STPG2: variants seen among roughly 807,000 people sequenced by gnomAD.
The protein encoded by STPG2 is sperm-tail PG-rich repeat-containing protein 2.
STPG2 carries 56 observed loss-of-function variants against 54.2 expected under a neutral mutation model. The observed-to-expected ratio is 1.03, with a 90% confidence interval of 0.83 to 1.29. The LOEUF (loss-of-function observed/expected upper bound fraction) is 1.29, where lower values mean the gene tolerates loss of function less well. STPG2 is among the 50% of genes most tolerant of loss of function. The pLI is 0.00. For synonymous variants in STPG2, 200 were observed against 181.8 expected (o/e 1.10, Z -0.81); for missense variants, 596 against 544.9 (o/e 1.09, Z -0.93).
chr4:97,891,170 T>C (rs1343257669), intron 8 of STPG2, among the ~76,000 whole-genome samples: 2 of 152,090 alleles, frequency 1.3e-5, no homozygotes, highest in Non-Finnish European at 2.9e-5. Flanking sequence ...TTTGCTAGAG[T>C]AACTTTTAAT....
chr4:97,944,872 CATG>C (rs756951224), intron 7 of STPG2, among the ~76,000 whole-genome samples: 4 of 152,114 alleles, frequency 2.6e-5, no homozygotes, highest in Non-Finnish European at 4.4e-5. Flanking sequence ...CTTTTTTCCA[CATG>C]ATATTATTCC....
intron 4 of STPG2, among the ~76,000 whole-genome samples, chr4:97,547,354 AAG>A (rs1391731137): frequency 6.6e-6 from 1 of 151,952 alleles, no homozygotes; most frequent in East Asian, 1.9e-4. Context: ...GAGACTACAG[AAG>A]CCCGCCACCA....
intron 9 of STPG2, among the ~76,000 whole-genome samples, chr4:97,762,490 G>A (rs1725917930): frequency 6.6e-6 from 1 of 152,060 alleles, no homozygotes; most frequent in South Asian, 2.1e-4. Context: ...TCCTCCCTAT[G>A]AAAAGAATCC....
chr4:97,684,958 G>A (rs113354501), intron 10 of STPG2, among the ~76,000 whole-genome samples: 1 of 152,054 alleles, frequency 6.6e-6, no homozygotes, highest in African/African-American at 2.4e-5. Flanking sequence ...TGGCAAGTAA[G>A]CATATAAAAA....
intron 8 of STPG2, among the ~76,000 whole-genome samples, chr4:97,931,612 A>G (rs1017287640): frequency 1.3e-5 from 2 of 152,158 alleles, no homozygotes; most frequent in Non-Finnish European, 2.9e-5. Context: ...TTTTGCATCA[A>G]TATTCAATAA....
At chr4:98,120,348 GGATT>G (rs1242573275) in intron 3 of STPG2, among the ~76,000 whole-genome samples, 1 of 152,016 alleles carries the variant, frequency 6.6e-6, no homozygotes, top group African/African-American at 2.4e-5. Flanking sequence ...CAAAGTGCAG[GGATT>G]ACAGGCATGA....
chr4:97,989,481 T>C (rs1734943984), intron 5 of STPG2, among the ~76,000 whole-genome samples: 1 of 152,088 alleles, frequency 6.6e-6, no homozygotes, highest in Non-Finnish European at 1.5e-5. Flanking sequence ...TTTAACATAT[T>C]TTAGACACAG....
At chr4:97,700,199 T>C (rs1578490618) in intron 10 of STPG2, among the ~76,000 whole-genome samples, 1 of 152,186 alleles carries the variant, frequency 6.6e-6, no homozygotes, top group African/African-American at 2.4e-5. Context: ...ATCATCCCTA[T>C]CTGCCACTGA....
chr4:97,680,144 T>G (rs1487861213), intron 10 of STPG2, among the ~76,000 whole-genome samples: 5 of 150,984 alleles, frequency 3.3e-5, no homozygotes, highest in Non-Finnish European at 7.4e-5. Flanking sequence ...TTGAAAGTAG[T>G]TTTTTCCAAT....
chr4:97,860,502 AT>A (rs1384078128), intron 8 of STPG2, among the ~76,000 whole-genome samples: 13 of 109,190 alleles, frequency 1.2e-4, no homozygotes, highest in Non-Finnish European at 2.5e-4. Context: ...ATTTTATTTT[AT>A]TTTATTTTAT....
Position 97,543,478 on chromosome 4 carries a change from C to T in STPG2, c.462+169221G>A, listed in dbSNP as rs115368487. Reference sequence around the variant, plus strand: ...TCCTTACGGGAAAAAAAATAAAATGCTAAGCTTAAAGAAACTTAAAAATTA... The same window carrying T: ...TCCTTACGGGAAAAAAAATAAAATGTTAAGCTTAAAGAAACTTAAAAATTA... On this transcript the variant is annotated intron_variant, in intron 4 of 4. Coordinates refer to the STPG2 transcript ENST00000522676. 5.3e-4 allele frequency among the ~76,000 whole-genome samples: 81 copies of T among 151,764 alleles called. 1 individual carries two copies. The highest frequency in any genetic ancestry group is 2.0e-3 in the Admixed American group (30 of 15,242).
At chr4:97,586,268 C>T (rs1406404648) in intron 10 of STPG2, among the ~76,000 whole-genome samples, 1 of 151,814 alleles carries the variant, frequency 6.6e-6, no homozygotes, top group East Asian at 1.9e-4. Flanking sequence ...TACAATTCAT[C>T]TAACACTAAG....
chr4:97,848,082 C>A (rs763807906), intron 8 of STPG2, among the ~76,000 whole-genome samples: 80 of 152,126 alleles, frequency 5.3e-4, no homozygotes, highest in Non-Finnish European at 1.2e-4. Context: ...CATTGGATCC[C>A]CAGTGCCTAT....
chr4:97,924,354 T>G (rs1732254692), intron 8 of STPG2, among the ~76,000 whole-genome samples: 1 of 152,206 alleles, frequency 6.6e-6, no homozygotes, highest in Non-Finnish European at 1.5e-5. Context: ...GAAAATGCCT[T>G]TTCCTCTACA....
intron 10 of STPG2, among the ~76,000 whole-genome samples, chr4:97,659,395 T>C (rs1292479747): frequency 6.6e-6 from 1 of 151,592 alleles, no homozygotes; most frequent in Non-Finnish European, 1.5e-5. Flanking sequence ...AGGAGTTGTA[T>C]CATTTCATTT....
At chr4:98,097,830 A>C (rs1255635245) in intron 5 of STPG2, among the ~76,000 whole-genome samples, 3 of 152,166 alleles carry the variant, frequency 2.0e-5, no homozygotes, top group Non-Finnish European at 4.4e-5. Context: ...CCAACAGTGA[A>C]CAATCTGAAG....
At chr4:97,662,773 A>G (rs1303748628) in intron 10 of STPG2, among the ~76,000 whole-genome samples, 1 of 152,128 alleles carries the variant, frequency 6.6e-6, no homozygotes, top group Non-Finnish European at 1.5e-5. Flanking sequence ...AACAAGAGAC[A>G]CTGTGGACTA....
intron 5 of STPG2, among the ~76,000 whole-genome samples, chr4:97,996,386 C>T (rs1393785576): frequency 1.3e-5 from 2 of 152,196 alleles, no homozygotes; most frequent in Non-Finnish European, 2.9e-5. Flanking sequence ...TCTAGGATAA[C>T]TAGCCACATG....
At chr4:98,045,061 G>C (rs1292395830) in intron 5 of STPG2, among the ~76,000 whole-genome samples, 1 of 151,616 alleles carries the variant, frequency 6.6e-6, no homozygotes, top group Non-Finnish European at 1.5e-5. Flanking sequence ...CTTTCTCTGG[G>C]ATCCCTGCCC....
Sources: allele counts gnomAD v4.1 joint callset (sites outside exome capture counted in the v4.1 genomes callset), GRCh38; gene constraint gnomAD v4.1.1; transcripts MANE v1.5; gene names NCBI Gene and HGNC (gene_info 2026-07-23, HGNC 2026-07-21).